PIK3R5: variants seen among roughly 807,000 people sequenced by gnomAD.
PIK3R5 encodes the protein phosphoinositide 3-kinase regulatory subunit 5.
In PIK3R5, 32 loss-of-function variants were observed where a neutral mutation model predicts 94.9. The observed-to-expected ratio is 0.34, with a 90% CI of 0.25 to 0.45. The LOEUF (loss-of-function observed/expected upper bound fraction) is 0.45. Among genes scored for constraint, PIK3R5 ranks in the 20% least tolerant of loss-of-function variants. The pLI is 1.00. For synonymous variants in PIK3R5, 443 were observed against 479.4 expected (o/e 0.92, Z 0.99); for missense variants, 853 against 1,144.6 (o/e 0.75, Z 3.68).
intron 14 of PIK3R5, among the ~76,000 whole-genome samples, chr17:8,885,843 C>T (rs1402803751): frequency 7.9e-6 from 1 of 126,476 alleles, no homozygotes; most frequent in Non-Finnish European, 1.6e-5. Context: ...CTCCCCAGGG[C>T]CCCGCCTCCT....
chr17:8,891,229 C>T (rs1485691997), intron 6 of PIK3R5, among the ~76,000 whole-genome samples: 1 of 152,212 alleles, frequency 6.6e-6, no homozygotes, highest in Non-Finnish European at 1.5e-5. Context: ...TATGAGACAG[C>T]TGAGTGGATG....
In PIK3R5 at chr17:8,884,803, A is replaced by AC; in HGVS notation, c.2129-21dup. The AC allele has an allele frequency of 6.2e-7, 1 of 1,609,402 alleles. No individual in the cohort carries two copies. Among genetic ancestry groups the AC allele is most frequent in the Non-Finnish European group, 8.5e-7 (1 of 1,177,714 alleles). On this transcript the variant is annotated intron_variant, in intron 14 of 18. Coordinates refer to ENST00000447110, the MANE Select transcript of PIK3R5 (RefSeq NM_001142633.3). The surrounding 1 kb of genome is among the most constrained non-coding windows in gnomAD (Gnocchi z 5.8). ...CAGGACCTGTGCCACACACAGACAG[A>AC]CCCTTCACTACCCCTGGCTTCCCCG...
chr17:8,887,651 C>T lies in PIK3R5; in HGVS notation c.1649G>A (p.Arg550Gln), dbSNP rs771568615. ...RLENNRPLLT[R>Q]FFKLQFFYVP... is the part of the protein sequence containing the mutation. ...GTAGAAGAACTGAAGTTTGAAGAAC[C>T]GTGTGAGGAGTGGGCGATTGTTCTC... The change falls in exon 11 of 19, where the codon CGG becomes CAG. Residue 550 changes from arginine (R) to glutamine (Q), a missense_variant. By Grantham distance (43) the Arg-to-Gln change is conservative. Coordinates refer to ENST00000447110, the MANE Select transcript of PIK3R5 (RefSeq NM_001142633.3). The T allele has an allele frequency of 2.1e-5, 33 of 1,606,362 alleles. No homozygotes were observed. Among genetic ancestry groups the T allele is most frequent in the Admixed American group, 1.7e-4 (10 of 59,140 alleles).
intron 5 of PIK3R5, among the ~76,000 whole-genome samples, chr17:8,898,252 C>T (rs969104266): frequency 1.3e-5 from 2 of 152,218 alleles, no homozygotes; most frequent in African/African-American, 4.8e-5. Context: ...TCTGAATTCA[C>T]CTGCCACCCG....
At chr17:8,913,407 A>C (rs1357245090) in intron 1 of PIK3R5, among the ~76,000 whole-genome samples, 2 of 152,212 alleles carry the variant, frequency 1.3e-5, no homozygotes, top group African/African-American at 4.8e-5. Context: ...AGCTGAGTTC[A>C]GAAAACTTTT....
At chr17:8,902,888 A>G (rs2151395138) in intron 5 of PIK3R5, among the ~76,000 whole-genome samples, 1 of 143,788 alleles carries the variant, frequency 7.0e-6, no homozygotes, top group East Asian at 2.0e-4. Context: ...CTTGTTGCCC[A>G]GGCTGGAGTG....
Position 8,909,294 on chromosome 17 carries a change from C to G in PIK3R5, c.104-120G>C. 1.6e-6 allele frequency: 1 copy of G among 620,770 alleles called. No homozygotes were observed. Among genetic ancestry groups the G allele is most frequent in the Non-Finnish European group, 2.8e-6 (1 of 351,106 alleles). The allele number at this position is 620,770 out of a possible 1,614,324, so 38.5% of individuals were successfully genotyped here. ...TTTTCTGTGGTATTGCACTGGAACACTCTTTTTTTTTTTTGAGACAGAGTC... is the reference window on the plus strand; with the variant it reads ...TTTTCTGTGGTATTGCACTGGAACAGTCTTTTTTTTTTTTGAGACAGAGTC... On this transcript the variant is annotated intron_variant, in intron 2 of 18. Coordinates refer to ENST00000447110, the MANE Select transcript of PIK3R5 (RefSeq NM_001142633.3). The surrounding 1 kb of genome is among the most constrained non-coding windows in gnomAD (Gnocchi z 4.3).
At chr17:8,922,866 G>T (rs1223873725) in intron 1 of PIK3R5, among the ~76,000 whole-genome samples, 1 of 152,124 alleles carries the variant, frequency 6.6e-6, no homozygotes, top group African/African-American at 2.4e-5. Context: ...TGGAGGTCCA[G>T]GGAAGGCAGA....
intron 3 of PIK3R5, among the ~76,000 whole-genome samples, chr17:8,907,068 G>A (rs1164790748): frequency 4.6e-5 from 7 of 152,146 alleles, no homozygotes; most frequent in Non-Finnish European, 1.0e-4. Flanking sequence ...TCTGTCGCCA[G>A]GCTGGAGTGC....
intron 14 of PIK3R5, among the ~76,000 whole-genome samples, chr17:8,885,809 GCCCCACCTCCTGGGTAA>G (rs2089826424): frequency 9.4e-6 from 1 of 106,496 alleles, no homozygotes; most frequent in Admixed American, 9.4e-5. Flanking sequence ...CCCTCCCATG[GCCCCACCTCCTGGGTAA>G]CCCCGCCTCC....
chr17:8,888,657 G>A lies in PIK3R5; in HGVS notation c.1130C>T (p.Thr377Ile). The A allele has an allele frequency of 6.2e-7, 1 of 1,613,852 alleles. No homozygotes were observed. Among genetic ancestry groups the A allele is most frequent in the Non-Finnish European group, 8.5e-7 (1 of 1,179,916 alleles). Residue 377 changes from threonine to isoleucine, a missense_variant, in exon 10 of 19, where the codon ACT (threonine) becomes ATT (isoleucine). Coordinates refer to ENST00000447110, the MANE Select transcript of PIK3R5 (RefSeq NM_001142633.3). This position sits in a 1 kb window ranked among gnomAD's most constrained non-coding sequence, Gnocchi z 7.8. ...SGPALSRHLL[T>I]SFVSGLSDGM... ...ATCAGAGAGGCCTGAGACAAAGGAA[G>A]TCAGCAGATGGCGCGAGAGGGCCGG...
chr17:8,913,628 C>T (rs1454706434), intron 1 of PIK3R5, among the ~76,000 whole-genome samples: 2 of 152,222 alleles, frequency 1.3e-5, no homozygotes, highest in Admixed American at 6.5e-5. Context: ...AGGAGACTCG[C>T]TTGAACCCGG....
At position 8,881,745 on chromosome 17, in the gene PIK3R5, A is replaced by G. The variant is rs2089667470; in HGVS notation, c.2300-33T>C. The G allele has an allele frequency of 3.7e-6, 6 of 1,612,968 alleles. No individual in the cohort carries two copies. Among genetic ancestry groups the G allele is most frequent in the Middle Eastern group, 3.3e-4 (2 of 6,062 alleles). On this transcript the variant is annotated intron_variant, in intron 16 of 18. Transcript: ENST00000447110. The surrounding 1 kb of genome is among the most constrained non-coding windows in gnomAD (Gnocchi z 4.8). ...GCAAGGACACTCAGGCCAGGCTCAG[A>G]GCACCTCCCTACTGCACACCCCACA...
chr17:8,956,387 C>T (rs1028894343), intron 1 of PIK3R5, among the ~76,000 whole-genome samples: 6 of 152,026 alleles, frequency 3.9e-5, no homozygotes, highest in African/African-American at 1.5e-4. Flanking sequence ...AAGGTGGCAC[C>T]ATGAGGGAAG....
chr17:8,953,364 C>A (rs1231388677), intron 1 of PIK3R5, among the ~76,000 whole-genome samples: 1 of 152,170 alleles, frequency 6.6e-6, no homozygotes, highest in African/African-American at 2.4e-5. Flanking sequence ...CCTCCTCAAC[C>A]CCACCCTTTA....
At chr17:8,942,871 G>A (rs900420721) in intron 1 of PIK3R5, among the ~76,000 whole-genome samples, 3 of 151,906 alleles carry the variant, frequency 2.0e-5, no homozygotes, top group Admixed American at 1.3e-4. Flanking sequence ...CTCCCAAAGT[G>A]CTGGGATTAC....
In PIK3R5 at chr17:8,889,038, G is replaced by T; in HGVS notation, c.895+101C>A. The stretch of plus-strand genomic sequence containing the variant: ...GCTCTGCTTAGAGCCTGCTCATGTG[G>T]GAGAGCTTTGGGGACGGGGTGGGAG... On this transcript the variant is annotated intron_variant, in intron 9 of 18. Coordinates refer to ENST00000447110, the MANE Select transcript of PIK3R5 (RefSeq NM_001142633.3). This position sits in a 1 kb window ranked among gnomAD's most constrained non-coding sequence, Gnocchi z 4.1. 6.6e-7 allele frequency: 1 copy of T among 1,514,060 alleles called. No individual in the cohort carries two copies. The highest frequency in any genetic ancestry group is 8.9e-7 in the Non-Finnish European group (1 of 1,121,536). The allele number at this position is 1,514,060 out of a possible 1,614,324, so 93.8% of individuals were successfully genotyped here.
At position 8,888,935 on chromosome 17, in the gene PIK3R5, G is replaced by A. The variant is rs367951464; in HGVS notation, c.896-44C>T. Reference sequence around the variant, plus strand: ...AGCACTGTCTGGGCGTCTGGGCCCCGGATCCCCTTCTATATTCCCTTTGGA... The same window carrying A: ...AGCACTGTCTGGGCGTCTGGGCCCCAGATCCCCTTCTATATTCCCTTTGGA... On this transcript the variant is annotated intron_variant, in intron 9 of 18. Transcript: ENST00000447110. This position sits in a 1 kb window ranked among gnomAD's most constrained non-coding sequence, Gnocchi z 7.8. The A allele has an allele frequency of 3.5e-5, 55 of 1,559,400 alleles. No individual in the cohort carries two copies. The South Asian group carries it at 3.6e-4, about 10-fold the overall frequency.
intron 5 of PIK3R5, among the ~76,000 whole-genome samples, chr17:8,901,468 G>T (rs1177491482): frequency 6.6e-6 from 1 of 152,164 alleles, no homozygotes; most frequent in Admixed American, 6.5e-5. Flanking sequence ...TGGGTGGGGC[G>T]CAGACAGATC....
Sources: allele counts gnomAD v4.1 joint callset (sites outside exome capture counted in the v4.1 genomes callset), GRCh38; gene constraint gnomAD v4.1.1; non-coding constraint Gnocchi (gnomAD v3.1); transcripts MANE v1.5; gene names NCBI Gene and HGNC (gene_info 2026-07-23, HGNC 2026-07-21).